The following NLRP4 variants were observed in gnomAD, a reference collection of about 807,000 sequenced individuals.
NLRP4 encodes NLR family pyrin domain containing 4, also known as NACHT, LRR and PYD domains-containing protein 4.
NLRP4 carries 44 observed loss-of-function variants against 84.7 expected under a neutral mutation model. The ratio of observed to expected loss-of-function variants is 0.52; its 90% CI spans 0.41 to 0.67. NLRP4 has a LOEUF of 0.67. Among genes scored for constraint, NLRP4 ranks in the 30% least tolerant of loss-of-function variants. The pLI is 0.00. For missense variants in NLRP4, 1,260 were observed against 1,219.4 expected (o/e 1.03, Z -0.50); for synonymous variants, 544 against 476.4 (o/e 1.14, Z -1.85).
At chr19:55,881,040 G>T (rs867812123) in intron 9 of NLRP4, among the ~76,000 whole-genome samples, 1 of 152,056 alleles carries the variant, frequency 6.6e-6, no homozygotes, top group Non-Finnish European at 1.5e-5. Flanking sequence ...AAATCCAAAT[G>T]TTTGTGTGGA....
At chr19:55,870,683 G>A (rs1049150376) in intron 6 of NLRP4, 144 bp from the exon 7 acceptor site, 2 of 602,546 alleles carry the variant, frequency 3.3e-6, no homozygotes, top group Non-Finnish European at 5.9e-6. Flanking sequence ...AATGAGAGGA[G>A]GTGTTTTCAG....
chr19:55,853,091 A>G (rs1984233860), intron 2 of NLRP4, among the ~76,000 whole-genome samples: 2 of 152,264 alleles, frequency 1.3e-5, no homozygotes, highest in African/African-American at 2.4e-5. Flanking sequence ...TCTATAAGCA[A>G]TATGGCTTTT....
intron 2 of NLRP4, chr19:55,857,325 ATG>A (rs35115500): frequency 0.23 from 60,957 of 269,098 alleles, 3,896 homozygotes; most frequent in Admixed American, 0.28. Context: ...GTAGCAATGA[ATG>A]TGTGTGTGTG....
intron 1 of NLRP4, among the ~76,000 whole-genome samples, chr19:55,840,633 C>T (rs957344669): frequency 6.6e-6 from 1 of 152,094 alleles, no homozygotes; most frequent in African/African-American, 2.4e-5. Flanking sequence ...CTCCTGACCT[C>T]GTGATCCGCC....
intron 2 of NLRP4, chr19:55,857,340 T>C (rs1984477995): frequency 5.3e-6 from 2 of 379,440 alleles, no homozygotes; most frequent in South Asian, 7.7e-5. Context: ...TGTGTGTGTG[T>C]GTGTGTGTGT....
Position 55,861,371 on chromosome 19 carries a change from C to G in NLRP4, c.1857-15C>G, listed in dbSNP as rs1269524450. ...ACCGCCTGCCTGTGGAAAGCTCGTC[C>G]TTTCTTGACCACAGGTCGGATTACA... On this transcript the variant is annotated splice_polypyrimidine_tract_variant and intron_variant, in intron 3 of 9. Coordinates refer to ENST00000301295, the MANE Select transcript of NLRP4 (RefSeq NM_134444.5). The G allele has an allele frequency of 6.2e-7, 1 of 1,610,378 alleles. No homozygotes were observed. Among genetic ancestry groups the G allele is most frequent in the Admixed American group, 1.7e-5 (1 of 59,672 alleles).
intron 1 of NLRP4, among the ~76,000 whole-genome samples, chr19:55,845,730 G>A (rs527577810): frequency 8.6e-4 from 131 of 151,656 alleles, no homozygotes; most frequent in African/African-American, 3.1e-3. Flanking sequence ...TAACTGGTGT[G>A]AGATGGTATC....
intron 1 of NLRP4, among the ~76,000 whole-genome samples, chr19:55,845,783 A>C (rs1271347528): frequency 6.7e-6 from 1 of 148,298 alleles, no homozygotes; most frequent in East Asian, 2.0e-4. Flanking sequence ...GCCAGTGATG[A>C]TGAGCATTTT....
intron 5 of NLRP4, among the ~76,000 whole-genome samples, chr19:55,864,537 G>A (rs995292462): frequency 6.6e-6 from 1 of 152,146 alleles, no homozygotes; most frequent in East Asian, 1.9e-4. Flanking sequence ...ACACTCATGT[G>A]TGAACACCTG....
rs945508913 is a variant in NLRP4, at chr19:55,881,848, A to G, written c.*261A>G. 1 of 269,528 alleles carries G rather than the reference A, an allele frequency of 3.7e-6. No individual in the cohort carries two copies. The highest frequency in any genetic ancestry group is 2.2e-5 in the African/African-American group (1 of 44,722). 16.7% of individuals were successfully genotyped at this position (269,528 alleles called of 1,614,324 possible). On this transcript the variant is annotated 3_prime_UTR_variant, in exon 10 of 10. Transcript: ENST00000301295. ...TCAATAAAGTGTTACATTTCTAAAC[A>G]TTGGAAATTCTTTTTTTGCCTTTTT...
intron 5 of NLRP4, among the ~76,000 whole-genome samples, chr19:55,867,188 GAC>G (rs1317208158): frequency 6.7e-6 from 1 of 149,728 alleles, no homozygotes; most frequent in East Asian, 2.0e-4. Context: ...ATATAACTGA[GAC>G]AGTGCATATC....
In NLRP4 at chr19:55,870,935, C is replaced by T. The variant is rs187474950; in HGVS notation, c.2463C>T (p.Asp821=). The T allele has an allele frequency of 6.8e-6, 11 of 1,614,084 alleles. No homozygotes were observed. Among genetic ancestry groups the T allele is most frequent in the African/African-American group, 5.3e-5 (4 of 75,042 alleles). Residue 821 remains aspartate, a synonymous_variant, in exon 7 of 10, where the codon GAC becomes GAT. Coordinates refer to ENST00000301295, the MANE Select transcript of NLRP4 (RefSeq NM_134444.5). ...YLDLSANVLK[D]EGLKTLCEAL... Reference sequence around the variant, plus strand: ...ACCTCAGTGCCAATGTCCTGAAGGACGAAGGACTGAAAACTCTCTGCGAGG... The same window carrying T: ...ACCTCAGTGCCAATGTCCTGAAGGATGAAGGACTGAAAACTCTCTGCGAGG...
At chr19:55,860,264 C>T (rs532192919) in intron 3 of NLRP4, among the ~76,000 whole-genome samples, 16 of 152,128 alleles carry the variant, frequency 1.1e-4, no homozygotes, top group South Asian at 4.1e-4. Context: ...GGATTACAGG[C>T]GTGAGCCACC....
intron 1 of NLRP4, among the ~76,000 whole-genome samples, chr19:55,844,198 G>A (rs1316619395): frequency 6.6e-6 from 1 of 152,078 alleles, no homozygotes; most frequent in Non-Finnish European, 1.5e-5. Context: ...CTTGCTTTAG[G>A]TGTGCTTTGG....
intron 1 of NLRP4, among the ~76,000 whole-genome samples, chr19:55,837,392 T>C (rs10402239): frequency 0.049 from 7,381 of 152,120 alleles, 613 homozygotes; most frequent in African/African-American, 0.17. Context: ...TAATAAGATA[T>C]TAAGTATATT....
intron 6 of NLRP4, among the ~76,000 whole-genome samples, chr19:55,869,372 A>G (rs983570565): frequency 4.3e-4 from 42 of 97,406 alleles, no homozygotes; most frequent in Non-Finnish European, 7.3e-4. Flanking sequence ...AAAAAAAAAC[A>G]AAAAATAAAC....
intron 9 of NLRP4, among the ~76,000 whole-genome samples, chr19:55,879,739 T>C (rs984846648): frequency 3.3e-5 from 5 of 152,174 alleles, no homozygotes; most frequent in Non-Finnish European, 2.9e-5. Flanking sequence ...AAATGATTTC[T>C]TGGGCTGGTT....
intron 2 of NLRP4, 105 bp downstream of exon 2, chr19:55,852,465 GA>G (rs1984202951): frequency 4.6e-6 from 3 of 649,476 alleles, no homozygotes; most frequent in Non-Finnish European, 7.9e-6. Flanking sequence ...TGTGCTATGG[GA>G]AAATATTAGG....
intron 1 of NLRP4, 69 bp from the exon 2 acceptor site, chr19:55,851,947 G>GA: frequency 1.4e-6 from 1 of 693,986 alleles, no homozygotes; most frequent in Non-Finnish European, 2.5e-6. Context: ...GTACTAGCAA[G>GA]ATACTATATA....
Sources: gnomAD v4.1 joint callset for allele counts (sites outside exome capture counted in the v4.1 genomes callset) on GRCh38, gnomAD v4.1.1 for gene constraint, MANE v1.5 for transcripts, NCBI Gene and HGNC (gene_info 2026-07-23, HGNC 2026-07-21) for gene names.